The following GPC6 variants were observed in gnomAD, a reference collection of about 807,000 sequenced individuals.
The protein encoded by GPC6 is glypican-6.
A neutral mutation model predicts 55.2 loss-of-function variants in GPC6; 14 were observed. The observed-to-expected ratio is 0.25, with a 90% CI of 0.17 to 0.40. GPC6 has a LOEUF of 0.40. GPC6 is among the 10% of genes least tolerant of loss of function. The pLI is 1.00. For missense variants in GPC6, 641 were observed against 708.5 expected (o/e 0.90, Z 1.08); for synonymous variants, 278 against 259.6 (o/e 1.07, Z -0.68).
At chr13:93,668,271 T>C (rs1881224422) in intron 2 of GPC6, among the ~76,000 whole-genome samples, 1 of 152,210 alleles carries the variant, frequency 6.6e-6, no homozygotes, top group Non-Finnish European at 1.5e-5. Flanking sequence ...ATTCTTTCCC[T>C]TCCTTATTAA....
Position 94,328,393 on chromosome 13 carries a change from C to T in GPC6, c.1152+22270C>T, listed in dbSNP as rs116341098. On this transcript the variant is annotated intron_variant, in intron 6 of 8. Coordinates refer to ENST00000377047, the MANE Select transcript of GPC6 (RefSeq NM_005708.5). ...CTTAATTAGACATGTAAAATGACTT[C>T]GTGGCTCCTACATGGAAGGATTCAC... Among the ~76,000 whole-genome samples the T allele has an allele frequency of 2.8e-3, 429 of 152,332 alleles. 4 individuals carry two copies. The highest frequency in any genetic ancestry group is 0.01 in the African/African-American group (418 of 41,576).
intron 4 of GPC6, among the ~76,000 whole-genome samples, chr13:94,178,365 A>G (rs1888864549): frequency 6.6e-6 from 1 of 152,196 alleles, no homozygotes; most frequent in African/African-American, 2.4e-5. Context: ...ATAATAATAT[A>G]AAGTATGGCA....
intron 3 of GPC6, among the ~76,000 whole-genome samples, chr13:93,976,674 C>T (rs1308096537): frequency 6.6e-6 from 1 of 151,370 alleles, no homozygotes; most frequent in Admixed American, 6.6e-5. Context: ...TGACTAGAAG[C>T]TCATGGCACC....
At chr13:94,163,497 A>G (rs568203940) in intron 4 of GPC6, among the ~76,000 whole-genome samples, 1 of 152,240 alleles carries the variant, frequency 6.6e-6, no homozygotes, top group African/African-American at 2.4e-5. Flanking sequence ...AAACATTTTT[A>G]AAAATAATCC....
intron 2 of GPC6, among the ~76,000 whole-genome samples, chr13:93,547,750 G>A (rs955142011): frequency 6.6e-6 from 1 of 151,726 alleles, no homozygotes; most frequent in Non-Finnish European, 1.5e-5. Context: ...ATCTAAATGT[G>A]ATTCTAATAA....
chr13:94,383,488 TG>T (rs1296236212), intron 7 of GPC6, among the ~76,000 whole-genome samples: 2 of 152,100 alleles, frequency 1.3e-5, no homozygotes, highest in Non-Finnish European at 2.9e-5. Flanking sequence ...CCCAACACTT[TG>T]GGGGGCCAAG....
At chr13:93,422,950 A>C (rs1198948392) in intron 1 of GPC6, among the ~76,000 whole-genome samples, 1 of 152,138 alleles carries the variant, frequency 6.6e-6, no homozygotes, top group Non-Finnish European at 1.5e-5. Context: ...TTCCATATAA[A>C]TTTGTGCTGA....
intron 3 of GPC6, among the ~76,000 whole-genome samples, chr13:93,860,628 T>A (rs1888779103): frequency 6.6e-6 from 1 of 151,676 alleles, no homozygotes; most frequent in Admixed American, 6.6e-5. Flanking sequence ...GGGCTTGTTC[T>A]GTATGATATT....
At chr13:93,458,217 C>T (rs2590555) in intron 1 of GPC6, among the ~76,000 whole-genome samples, 60,712 of 151,948 alleles carry the variant, frequency 0.4, 12,730 homozygotes, top group East Asian at 0.65. Flanking sequence ...AGGAGAGACA[C>T]AGTTACACAG....
intron 1 of GPC6, among the ~76,000 whole-genome samples, chr13:93,444,683 T>C (rs184721263): frequency 9.8e-5 from 15 of 152,318 alleles, no homozygotes; most frequent in Non-Finnish European, 1.6e-4. Flanking sequence ...TTACTTTAAT[T>C]CTTTTAAAAT....
chr13:93,319,288 T>C (rs1469447337), intron 1 of GPC6, among the ~76,000 whole-genome samples: 1 of 152,074 alleles, frequency 6.6e-6, no homozygotes, highest in Non-Finnish European at 1.5e-5. Flanking sequence ...TGTAAATATG[T>C]ATAAGAATCA....
chr13:93,787,425 C>T (rs989997408), intron 2 of GPC6, among the ~76,000 whole-genome samples: 8 of 152,158 alleles, frequency 5.3e-5, no homozygotes, highest in African/African-American at 1.2e-4. Context: ...TTTATAAAAA[C>T]GGGCAATGGG....
At chr13:93,969,762 T>C (rs1880202912) in intron 3 of GPC6, among the ~76,000 whole-genome samples, 1 of 152,134 alleles carries the variant, frequency 6.6e-6, no homozygotes, top group African/African-American at 2.4e-5. Flanking sequence ...GCCACCATTC[T>C]ACTCTCTATC....
rs59232936 is a variant in GPC6, at chr13:93,346,613, C to T, written c.160+118997C>T. Among the ~76,000 whole-genome samples, 415 of 151,946 alleles carry T rather than the reference C, an allele frequency of 2.7e-3. 1 individual carries two copies. Among genetic ancestry groups the T allele is most frequent in the African/African-American group, 9.2e-3 (382 of 41,420 alleles). ...TCTGTTGCCCCAGTGTCTAAAGTAG[C>T]GTATGAATAAATTTGGGTGGAATAA... On this transcript the variant is annotated intron_variant, in intron 1 of 8. Coordinates refer to ENST00000377047, the MANE Select transcript of GPC6 (RefSeq NM_005708.5).
chr13:93,609,648 A>C (rs1452976026), intron 2 of GPC6, among the ~76,000 whole-genome samples: 3 of 152,134 alleles, frequency 2.0e-5, no homozygotes, highest in African/African-American at 7.2e-5. Context: ...AAAAATTCCT[A>C]TGTGACTTGT....
chr13:94,003,505 A>G (rs1881897392), intron 3 of GPC6, among the ~76,000 whole-genome samples: 1 of 152,186 alleles, frequency 6.6e-6, no homozygotes, highest in Non-Finnish European at 1.5e-5. Flanking sequence ...AAAGGTTAAA[A>G]TGCCATTTTA....
intron 1 of GPC6, among the ~76,000 whole-genome samples, chr13:93,389,895 T>C (rs1408214): frequency 0.06 from 9,084 of 152,228 alleles, 309 homozygotes; most frequent in African/African-American, 0.083. Flanking sequence ...AGTCTGCACA[T>C]GATATTCCTG....
chr13:94,398,358 T>G, intron 7 of GPC6, 108 bp from the exon 8 acceptor site: 1 of 821,038 alleles, frequency 1.2e-6, no homozygotes, highest in Non-Finnish European at 2.1e-6. Flanking sequence ...TTTTGCCAGG[T>G]GTCTTGGCTG....
chr13:93,688,123 C>T (rs1208466860), intron 2 of GPC6, among the ~76,000 whole-genome samples: 4 of 151,912 alleles, frequency 2.6e-5, no homozygotes, highest in South Asian at 2.1e-4. Flanking sequence ...TTGCTGTCAA[C>T]GTTTCAATTT....
Sources: allele counts gnomAD v4.1 joint callset (sites outside exome capture counted in the v4.1 genomes callset), GRCh38; gene constraint gnomAD v4.1.1; transcripts MANE v1.5; gene names NCBI Gene and HGNC (gene_info 2026-07-23, HGNC 2026-07-21).